The following IPO9 variants were observed in gnomAD, a reference collection of about 807,000 sequenced individuals.
The protein encoded by IPO9 is importin-9.
A neutral mutation model predicts 128.6 loss-of-function variants in IPO9; 28 were observed. That is an observed-to-expected ratio of 0.22 (90% CI 0.16 to 0.30). IPO9 has a LOEUF of 0.30. Among genes scored for constraint, IPO9 ranks in the 10% least tolerant of loss-of-function variants. The probability of loss-of-function intolerance (pLI) is 1.00; values close to 1 mark genes in which losing one functional copy is unlikely to be tolerated. For missense variants in IPO9, 935 were observed against 1,293.9 expected, an observed-to-expected ratio of 0.72 and a Z score of 4.26; for synonymous variants, 455 against 475.8, an observed-to-expected ratio of 0.96 and a Z score of 0.57.
At position 201,878,616 on chromosome 1, in the gene IPO9, T is replaced by G. The variant is rs76216573; in HGVS notation, c.*2562T>G. On this transcript the variant is annotated 3_prime_UTR_variant, in exon 24 of 24. Transcript: ENST00000361565. ...AGGGCTACCCCTGGCTAACAGATAC[T>G]CGGCTGTGGGTGAGAGCAGAAGGTC... 1 of 152,572 alleles carries G rather than the reference T, an allele frequency of 6.6e-6. No homozygotes were observed. Among genetic ancestry groups the G allele is most frequent in the Admixed American group, 6.5e-5 (1 of 15,272 alleles). 9.5% of individuals were successfully genotyped at this position (152,572 alleles called of 1,614,324 possible).
chr1:201,837,713 G>T (rs1244901557), intron 1 of IPO9, among the ~76,000 whole-genome samples: 1 of 152,104 alleles, frequency 6.6e-6, no homozygotes, highest in African/African-American at 2.4e-5. Flanking sequence ...TTATGCTCTT[G>T]CTAGGAACAT....
intron 1 of IPO9, among the ~76,000 whole-genome samples, chr1:201,832,736 T>C (rs1243161055): frequency 6.6e-6 from 1 of 152,236 alleles, no homozygotes; most frequent in African/African-American, 2.4e-5. Context: ...GTGAGCTGTT[T>C]ATTAGTCCAT....
chr1:201,832,955 A>C (rs1180303372), intron 1 of IPO9, among the ~76,000 whole-genome samples: 1 of 152,268 alleles, frequency 6.6e-6, no homozygotes, highest in African/African-American at 2.4e-5. Context: ...TGCTGTGACC[A>C]AATTGTACTA....
rs367713258 is a variant in IPO9, at chr1:201,855,068, A to T, written c.912-56A>T. ...TAGTGTTGGAATATGTAACATTTCC[A>T]TGTAGATTATATGTAAAGCAGACTC... On this transcript the variant is annotated intron_variant, in intron 8 of 23. Coordinates refer to ENST00000361565, the MANE Select transcript of IPO9 (RefSeq NM_018085.5). 84 of 1,335,614 alleles carry T rather than the reference A, an allele frequency of 6.3e-5. No individual in the cohort carries two copies. The African/African-American group carries it at 1.2e-3, about 18-fold the overall frequency. 82.7% of individuals were successfully genotyped at this position (1,335,614 alleles called of 1,614,324 possible).
At chr1:201,861,499 T>A (rs1272723867) in intron 13 of IPO9, among the ~76,000 whole-genome samples, 2 of 152,230 alleles carry the variant, frequency 1.3e-5, no homozygotes, top group East Asian at 3.8e-4. Flanking sequence ...ATGTAAGTGT[T>A]CTGAGCATGT....
chr1:201,851,294 G>A (rs535404856), intron 4 of IPO9, among the ~76,000 whole-genome samples: 4 of 151,682 alleles, frequency 2.6e-5, no homozygotes, highest in South Asian at 2.1e-4. Context: ...TGGGATTACA[G>A]GTATAAGCCA....
intron 20 of IPO9, among the ~76,000 whole-genome samples, chr1:201,874,015 G>A (rs906541705): frequency 6.6e-6 from 1 of 152,194 alleles, no homozygotes; most frequent in African/African-American, 2.4e-5. Context: ...TTACTAACAA[G>A]ACTGTATCTC....
chr1:201,858,659 T>C, intron 12 of IPO9, 106 bp downstream of exon 12: 1 of 860,186 alleles, frequency 1.2e-6, no homozygotes, highest in Non-Finnish European at 1.7e-6. Context: ...CTGGTTTTAA[T>C]TTAATAACAG....
At chr1:201,856,030 A>G (rs1680322918) in intron 10 of IPO9, 96 bp downstream of exon 10, 2 of 892,642 alleles carry the variant, frequency 2.2e-6, no homozygotes, top group African/African-American at 1.8e-5. Context: ...TATTTCTAAA[A>G]ATAGACACAA....
chr1:201,830,773 AT>A (rs1326953871), intron 1 of IPO9, among the ~76,000 whole-genome samples: 3 of 152,198 alleles, frequency 2.0e-5, no homozygotes, highest in African/African-American at 7.2e-5. Context: ...TCTGGTGCAA[AT>A]TCATCTTAAC....
At chr1:201,868,359 A>G (rs1280934574) in intron 15 of IPO9, among the ~76,000 whole-genome samples, 1 of 150,564 alleles carries the variant, frequency 6.6e-6, no homozygotes, top group East Asian at 1.9e-4. Context: ...TCACAAGAAT[A>G]AAGACTTTAA....
intron 2 of IPO9, 64 bp downstream of exon 2, chr1:201,847,404 A>C: frequency 6.6e-7 from 1 of 1,514,756 alleles, no homozygotes; most frequent in Non-Finnish European, 9.1e-7. Flanking sequence ...ACTTTCTTAT[A>C]GGAAAGAAAA....
chr1:201,855,445 A>G (rs1410426452), intron 9 of IPO9, among the ~76,000 whole-genome samples: 1 of 152,228 alleles, frequency 6.6e-6, no homozygotes, highest in African/African-American at 2.4e-5. Context: ...AATCTAGCCT[A>G]CTTCTGGCAT....
intron 1 of IPO9, among the ~76,000 whole-genome samples, chr1:201,836,128 A>AC (rs1679917142): frequency 6.7e-6 from 1 of 148,454 alleles, no homozygotes; most frequent in African/African-American, 2.4e-5. Context: ...TCAAAAAAAA[A>AC]AAAAAAAAAA....
chr1:201,861,027 G>A (rs1451650832), intron 13 of IPO9, among the ~76,000 whole-genome samples: 4 of 152,140 alleles, frequency 2.6e-5, no homozygotes, highest in Non-Finnish European at 4.4e-5. Context: ...TTAGCTGGGC[G>A]TGGTGGCACG....
Position 201,866,932 on chromosome 1 carries a change from A to G in IPO9, c.1828A>G (p.Ile610Val), listed in dbSNP as rs748016591. 1.1e-5 allele frequency: 17 copies of G among 1,614,026 alleles called. No individual in the cohort carries two copies. The highest frequency in any genetic ancestry group is 1.3e-5 in the African/African-American group (1 of 74,910). The change falls in exon 15 of 24, where the codon ATC becomes GTC. Residue 610 changes from isoleucine to valine, a missense_variant. Physicochemically the swap from Ile to Val is conservative, Grantham distance 29. Around this residue, in one of 3 missense-constraint regions of IPO9, gnomAD observed 741 missense variants for 1,019.1 expected, o/e 0.73. Coordinates refer to ENST00000361565, the MANE Select transcript of IPO9 (RefSeq NM_018085.5). ...SMESKICPFT[I>V]AIFLKYSNDP... Reference sequence around the variant, plus strand: ...GGAAAGCAAAATCTGCCCCTTCACCATCGCCATTTTCCTAAAGTACAGTAA... The same window carrying G: ...GGAAAGCAAAATCTGCCCCTTCACCGTCGCCATTTTCCTAAAGTACAGTAA...
At chr1:201,865,199 C>CTTTTTTTTTTTTTT (rs201084995) in intron 14 of IPO9, among the ~76,000 whole-genome samples, 1 of 132,852 alleles carries the variant, frequency 7.5e-6, no homozygotes. Flanking sequence ...AACTATTTTT[C>CTTTTTTTTTTTTTT]TTTTTTTTTT....
chr1:201,831,632 A>G (rs1679833966), intron 1 of IPO9, among the ~76,000 whole-genome samples: 1 of 151,726 alleles, frequency 6.6e-6, no homozygotes, highest in Non-Finnish European at 1.5e-5. Flanking sequence ...CCCACCTTAA[A>G]CTCTGTCTGA....
intron 1 of IPO9, among the ~76,000 whole-genome samples, chr1:201,837,023 A>G (rs1679954509): frequency 6.6e-6 from 1 of 152,244 alleles, no homozygotes; most frequent in South Asian, 2.1e-4. Context: ...CGTGAAAGAA[A>G]TTAGCTTTTA....
Sources: allele counts gnomAD v4.1 joint callset (sites outside exome capture counted in the v4.1 genomes callset), GRCh38; gene constraint gnomAD v4.1.1; regional missense constraint gnomAD v4.1.1; transcripts MANE v1.5; gene names NCBI Gene and HGNC (gene_info 2026-07-23, HGNC 2026-07-21).